KHDRBS3: variants seen among roughly 807,000 people sequenced by gnomAD.
The protein encoded by KHDRBS3 is KH RNA binding domain containing, signal transduction associated 3.
A neutral mutation model predicts 45.6 loss-of-function variants in KHDRBS3; 23 were observed. The ratio of observed to expected loss-of-function variants is 0.50; its 90% confidence interval spans 0.36 to 0.72. The LOEUF is 0.72. Among genes scored for constraint, KHDRBS3 ranks in the 30% least tolerant of loss-of-function variants. The probability of loss-of-function intolerance (pLI) is 0.00; values close to 1 mark genes in which losing one functional copy is unlikely to be tolerated. For synonymous variants in KHDRBS3, 162 were observed against 156.5 expected (o/e 1.04, Z -0.26); for missense variants, 352 against 424.8 (o/e 0.83, Z 1.51).
intron 7 of KHDRBS3, among the ~76,000 whole-genome samples, chr8:135,619,450 A>T (rs1830049180): frequency 6.6e-6 from 1 of 152,200 alleles, no homozygotes; most frequent in Non-Finnish European, 1.5e-5. Flanking sequence ...TCTTAGCCAA[A>T]GTAATATAAT....
At chr8:135,501,654 G>A (rs1823739660) in intron 1 of KHDRBS3, among the ~76,000 whole-genome samples, 1 of 152,070 alleles carries the variant, frequency 6.6e-6, no homozygotes, top group South Asian at 2.1e-4. Context: ...ATCCAAAAAT[G>A]TAGCTTATCG....
At chr8:135,525,992 T>C (rs1267205972) in intron 2 of KHDRBS3, among the ~76,000 whole-genome samples, 1 of 152,298 alleles carries the variant, frequency 6.6e-6, no homozygotes, top group East Asian at 1.9e-4. Context: ...TTGCTGTATC[T>C]TTTCTATGTT....
At chr8:135,531,706 A>G (rs1825487403) in intron 2 of KHDRBS3, among the ~76,000 whole-genome samples, 1 of 152,210 alleles carries the variant, frequency 6.6e-6, no homozygotes, top group South Asian at 2.1e-4. Flanking sequence ...TATGGATGAA[A>G]TTAAATTTAG....
At position 135,548,909 on chromosome 8, in the gene KHDRBS3, C is replaced by G; in HGVS notation, c.471+9C>G. ...AAAAGTTCCTCATCCCTGTTAGTAC[C>G]ATTTTTCTTGATAGTTAACTTGTAC... On this transcript the variant is annotated intron_variant, in intron 4 of 8. Coordinates refer to ENST00000355849, the MANE Select transcript of KHDRBS3 (RefSeq NM_006558.3). 6.4e-7 allele frequency: 1 copy of G among 1,556,766 alleles called. No homozygotes were observed. The highest frequency in any genetic ancestry group is 1.2e-5 in the South Asian group (1 of 81,788).
chr8:135,498,892 A>G (rs1004678952), intron 1 of KHDRBS3, among the ~76,000 whole-genome samples: 4 of 151,938 alleles, frequency 2.6e-5, no homozygotes, highest in Non-Finnish European at 5.9e-5. Context: ...GAAGCATTGC[A>G]CAAATGTACC....
At chr8:135,459,400 T>G (rs1821310571) in intron 1 of KHDRBS3, among the ~76,000 whole-genome samples, 1 of 152,174 alleles carries the variant, frequency 6.6e-6, no homozygotes, top group Non-Finnish European at 1.5e-5. Flanking sequence ...AAAATGGGCT[T>G]GTGAAAAAGT....
chr8:135,554,024 T>C (rs1399572255), intron 4 of KHDRBS3, among the ~76,000 whole-genome samples: 1 of 152,190 alleles, frequency 6.6e-6, no homozygotes, highest in Non-Finnish European at 1.5e-5. Flanking sequence ...CAGTGTCCAT[T>C]TGACACCAGG....
intron 1 of KHDRBS3, among the ~76,000 whole-genome samples, chr8:135,475,648 G>T (rs1253958724): frequency 6.6e-6 from 1 of 151,878 alleles, no homozygotes; most frequent in East Asian, 1.9e-4. Context: ...TTATACATCA[G>T]CGGTCCTAGA....
intron 1 of KHDRBS3, among the ~76,000 whole-genome samples, chr8:135,478,640 A>C (rs971310986): frequency 6.6e-6 from 1 of 152,248 alleles, no homozygotes. Flanking sequence ...TTTTCCAACC[A>C]CAGTAGAATG....
chr8:135,540,791 A>G (rs1046062078), intron 2 of KHDRBS3: 2 of 152,220 alleles, frequency 1.3e-5, no homozygotes, highest in Non-Finnish European at 2.9e-5. Context: ...CATATTTGCA[A>G]TGAAGACTGC....
intron 2 of KHDRBS3, among the ~76,000 whole-genome samples, chr8:135,528,620 T>C (rs1157416979): frequency 6.6e-6 from 1 of 152,216 alleles, no homozygotes; most frequent in Non-Finnish European, 1.5e-5. Flanking sequence ...CAAAATTAAT[T>C]TGGTTGTCTT....
At chr8:135,495,570 C>T (rs773731701) in intron 1 of KHDRBS3, among the ~76,000 whole-genome samples, 20 of 152,210 alleles carry the variant, frequency 1.3e-4, no homozygotes, top group Non-Finnish European at 2.6e-4. Context: ...TGCCAGTAAA[C>T]AGCACTTTTA....
intron 7 of KHDRBS3, among the ~76,000 whole-genome samples, chr8:135,633,567 G>A (rs1830691829): frequency 6.6e-6 from 1 of 152,168 alleles, no homozygotes; most frequent in Non-Finnish European, 1.5e-5. Context: ...TCTGTCTTAT[G>A]AAATATAGGG....
chr8:135,553,862 A>G (rs1826739839), intron 4 of KHDRBS3, among the ~76,000 whole-genome samples: 1 of 152,172 alleles, frequency 6.6e-6, no homozygotes, highest in African/African-American at 2.4e-5. Flanking sequence ...TAATAGTTTC[A>G]CTTTTCAGAC....
chr8:135,566,209 A>G (rs1413395816), intron 5 of KHDRBS3, among the ~76,000 whole-genome samples: 1 of 152,188 alleles, frequency 6.6e-6, no homozygotes, highest in Non-Finnish European at 1.5e-5. Context: ...AACTCCCTCG[A>G]TTGAGTTGTT....
chr8:135,485,462 G>A (rs1308040808), intron 1 of KHDRBS3, among the ~76,000 whole-genome samples: 1 of 152,056 alleles, frequency 6.6e-6, no homozygotes, highest in Non-Finnish European at 1.5e-5. Context: ...GACGGTCTAT[G>A]GCATGAGTGA....
intron 6 of KHDRBS3, among the ~76,000 whole-genome samples, chr8:135,603,560 C>T (rs1829314413): frequency 6.6e-6 from 1 of 152,118 alleles, no homozygotes; most frequent in South Asian, 2.1e-4. Flanking sequence ...TTCTGTTATT[C>T]CTCTGCCCCC....
intron 4 of KHDRBS3, among the ~76,000 whole-genome samples, chr8:135,654,802 G>C (rs28694619): frequency 0.069 from 10,519 of 152,302 alleles, 426 homozygotes; most frequent in African/African-American, 0.1. Context: ...CAGGCTCTCT[G>C]AGGAAACAGA....
intron 6 of KHDRBS3, among the ~76,000 whole-genome samples, chr8:135,598,134 T>C (rs1222073244): frequency 6.6e-6 from 1 of 152,224 alleles, no homozygotes; most frequent in East Asian, 1.9e-4. Flanking sequence ...GATTGCAGGA[T>C]GGAAATGTAG....
Sources: gnomAD v4.1 joint callset for allele counts (sites outside exome capture counted in the v4.1 genomes callset) on GRCh38, gnomAD v4.1.1 for gene constraint, MANE v1.5 for transcripts, NCBI Gene and HGNC (gene_info 2026-07-23, HGNC 2026-07-21) for gene names.